VAT1L: variants seen among roughly 807,000 people sequenced by gnomAD.
The protein encoded by VAT1L is vesicle amine transport 1 like, also known as putative NADPH-dependent quinone oxidoreductase VAT1L.
VAT1L carries 34 observed loss-of-function variants against 44.1 expected under a neutral mutation model. That is an observed-to-expected ratio of 0.77 (90% CI 0.59 to 1.03). The LOEUF is 1.03. Ranked by LOEUF, VAT1L falls within the 50% of genes least tolerant of loss-of-function variation. The probability of loss-of-function intolerance (pLI) is 0.00; values close to 1 mark genes in which losing one functional copy is unlikely to be tolerated. For synonymous variants in VAT1L, 253 were observed against 202.2 expected (o/e 1.25, Z -2.13); for missense variants, 615 against 538.8 (o/e 1.14, Z -1.40).
chr16:77,798,186 G>A (rs1597162376), intron 1 of VAT1L, among the ~76,000 whole-genome samples: 1 of 152,134 alleles, frequency 6.6e-6, no homozygotes, highest in South Asian at 2.1e-4. Context: ...AATAACTGTG[G>A]TCCCCAGAGC....
At chr16:77,952,152 GAC>G (rs1164860460) in intron 7 of VAT1L, among the ~76,000 whole-genome samples, 1 of 152,190 alleles carries the variant, frequency 6.6e-6, no homozygotes, top group African/African-American at 2.4e-5. Context: ...CCTTGAGAAA[GAC>G]ATTCCTGGGT....
At chr16:77,828,963 GCCACT>G (rs1359898746) in intron 3 of VAT1L, among the ~76,000 whole-genome samples, 2 of 152,150 alleles carry the variant, frequency 1.3e-5, no homozygotes, top group African/African-American at 4.8e-5. Flanking sequence ...TTAATTTGTT[GCCACT>G]TATGGGAAAC....
chr16:77,977,492 T>C, intron 8 of VAT1L, 105 bp from the exon 9 acceptor site: 1 of 1,139,280 alleles, frequency 8.8e-7, no homozygotes. Context: ...CAAGCAACCC[T>C]AGTTCCTAGC....
At chr16:77,935,502 A>T (rs1310705727) in intron 7 of VAT1L, among the ~76,000 whole-genome samples, 2 of 139,876 alleles carry the variant, frequency 1.4e-5, no homozygotes, top group Non-Finnish European at 1.6e-5. Context: ...CGGTTTATAA[A>T]AAAAAAAAAA....
chr16:77,920,975 C>CAT (rs1182083597), intron 7 of VAT1L, among the ~76,000 whole-genome samples: 24 of 150,384 alleles, frequency 1.6e-4, no homozygotes, highest in East Asian at 1.4e-3. Context: ...TATACACACA[C>CAT]ACACATACAT....
chr16:77,942,370 G>T (rs879332699), intron 7 of VAT1L, among the ~76,000 whole-genome samples: 5 of 152,120 alleles, frequency 3.3e-5, no homozygotes, highest in Admixed American at 1.3e-4. Flanking sequence ...TATGGAAATT[G>T]TGGGAACTGC....
chr16:77,954,922 C>G (rs1395023536), intron 7 of VAT1L, among the ~76,000 whole-genome samples: 1 of 152,100 alleles, frequency 6.6e-6, no homozygotes, highest in Non-Finnish European at 1.5e-5. Context: ...TTTTAAAGAT[C>G]AACTCCAAAT....
At chr16:77,911,760 T>G (rs1346324155) in intron 7 of VAT1L, among the ~76,000 whole-genome samples, 1 of 151,974 alleles carries the variant, frequency 6.6e-6, no homozygotes, top group Non-Finnish European at 1.5e-5. Context: ...GGGGCTGAGA[T>G]ATGAAGAAAG....
intron 3 of VAT1L, among the ~76,000 whole-genome samples, chr16:77,845,593 C>T (rs1038301556): frequency 3.3e-5 from 5 of 152,134 alleles, no homozygotes; most frequent in Non-Finnish European, 7.4e-5. Flanking sequence ...TTGAACAAGT[C>T]TTTGATGATC....
At chr16:77,803,953 AGTGAC>A (rs2016110972) in intron 1 of VAT1L, among the ~76,000 whole-genome samples, 1 of 152,164 alleles carries the variant, frequency 6.6e-6, no homozygotes, top group Non-Finnish European at 1.5e-5. Context: ...ACCTGATCCC[AGTGAC>A]GTGATTTAAG....
intron 7 of VAT1L, among the ~76,000 whole-genome samples, chr16:77,916,445 C>G (rs2017552955): frequency 6.6e-6 from 1 of 152,108 alleles, no homozygotes; most frequent in Admixed American, 6.6e-5. Context: ...TATTACTACT[C>G]TCTCTCCACT....
At chr16:77,871,745 T>C (rs888624668) in intron 4 of VAT1L, among the ~76,000 whole-genome samples, 26 of 152,080 alleles carry the variant, frequency 1.7e-4, no homozygotes, top group African/African-American at 6.3e-4. Flanking sequence ...GTCTCAATGA[T>C]TAAAAACTTA....
intron 6 of VAT1L, among the ~76,000 whole-genome samples, chr16:77,881,876 C>G (rs763280208): frequency 6.6e-6 from 1 of 152,252 alleles, no homozygotes; most frequent in Non-Finnish European, 1.5e-5. Context: ...ACACTGGTCC[C>G]AAATTACATA....
chr16:77,833,179 C>T (rs906081012), intron 3 of VAT1L, among the ~76,000 whole-genome samples: 1 of 152,150 alleles, frequency 6.6e-6, no homozygotes, highest in Non-Finnish European at 1.5e-5. Context: ...GAATTAGGCG[C>T]TAGGAGTTCG....
At position 77,876,389 on chromosome 16, in the gene VAT1L, G is replaced by A; in HGVS notation, c.742G>A (p.Asp248Asn). ...EVKRISAEGVDIVLDCLCGDN... is the reference protein window; with the variant it reads ...EVKRISAEGVNIVLDCLCGDN... ...ATTTAGAATCTCTGCTGAAGGTGTG[G>A]ACATCGTTTTGGATTGCCTCTGTGG... Residue 248 changes from aspartate (D) to asparagine (N), a missense_variant, in exon 5 of 9, where the codon GAC becomes AAC. Transcript: ENST00000302536. 6.2e-7 allele frequency: 1 copy of A among 1,614,196 alleles called. No homozygotes were observed. The highest frequency in any genetic ancestry group is 1.1e-5 in the South Asian group (1 of 91,078).
intron 7 of VAT1L, among the ~76,000 whole-genome samples, chr16:77,957,896 T>C (rs931738467): frequency 1.3e-5 from 2 of 151,798 alleles, no homozygotes; most frequent in African/African-American, 4.8e-5. Flanking sequence ...TAGAGCAATA[T>C]TTCCTTGGGT....
chr16:77,899,418 A>G (rs2017358034), intron 7 of VAT1L, among the ~76,000 whole-genome samples: 1 of 152,222 alleles, frequency 6.6e-6, no homozygotes, highest in Admixed American at 6.5e-5. Context: ...TTCTGTGATT[A>G]GACAGGTGAC....
intron 7 of VAT1L, among the ~76,000 whole-genome samples, chr16:77,945,308 A>T (rs541999867): frequency 5.6e-4 from 37 of 66,614 alleles, no homozygotes; most frequent in African/African-American, 1.3e-3. Flanking sequence ...AGAGAGAAAG[A>T]GTGTGTCTCA....
chr16:77,795,860 C>G (rs1010517970), intron 1 of VAT1L, among the ~76,000 whole-genome samples: 2 of 127,826 alleles, frequency 1.6e-5, no homozygotes, highest in Non-Finnish European at 3.2e-5. Flanking sequence ...GAGTTTTGCA[C>G]TGTCGCCCAG....
Sources: gnomAD v4.1 joint callset for allele counts (sites outside exome capture counted in the v4.1 genomes callset) on GRCh38, gnomAD v4.1.1 for gene constraint, MANE v1.5 for transcripts, NCBI Gene and HGNC (gene_info 2026-07-23, HGNC 2026-07-21) for gene names.